Variants in FOCAD observed in about 807,000 individuals in gnomAD.
FOCAD encodes KIAA1797.
Under a neutral mutation model 225.6 loss-of-function variants are expected in FOCAD, and 198 were observed. The ratio of observed to expected loss-of-function variants is 0.88; its 90% confidence interval spans 0.78 to 0.99. The LOEUF (loss-of-function observed/expected upper bound fraction) is 0.99, where lower values mean the gene tolerates loss of function less well. Among genes scored for constraint, FOCAD ranks in the 50% least tolerant of loss-of-function variants. The probability of loss-of-function intolerance (pLI) is 0.00; values close to 1 mark genes in which losing one functional copy is unlikely to be tolerated. For synonymous variants in FOCAD, 897 were observed against 755.0 expected (o/e 1.19, Z -3.08); for missense variants, 2,713 against 2,123.6 (o/e 1.28, Z -5.46).
upstream of FOCAD, among the ~76,000 whole-genome samples, chr9:20,680,488 G>A (rs78293901): frequency 6.6e-6 from 1 of 152,188 alleles, no homozygotes; most frequent in Non-Finnish European, 1.5e-5. Flanking sequence ...AACCCAGGAG[G>A]TGGAGGTTGC....
At chr9:20,906,315 C>T (rs1479123558) in intron 21 of FOCAD, among the ~76,000 whole-genome samples, 1 of 151,762 alleles carries the variant, frequency 6.6e-6, no homozygotes, top group East Asian at 1.9e-4. Flanking sequence ...AATTTGTTTT[C>T]TCTCTCACTC....
chr9:20,882,562 C>T (rs1279067882), intron 20 of FOCAD, among the ~76,000 whole-genome samples: 2 of 152,134 alleles, frequency 1.3e-5, no homozygotes, highest in Non-Finnish European at 2.9e-5. Context: ...GGTAAAAGCC[C>T]AAGAGAGAAT....
intron 1 of FOCAD, among the ~76,000 whole-genome samples, chr9:20,709,848 T>G (rs1431521264): frequency 1.3e-5 from 2 of 152,184 alleles, no homozygotes; most frequent in East Asian, 3.8e-4. Context: ...AGGGCTGTCT[T>G]TTGTAATCTT....
chr9:20,897,105 T>G (rs1832154722), intron 21 of FOCAD: 1 of 151,890 alleles, frequency 6.6e-6, no homozygotes, highest in African/African-American at 2.4e-5. Flanking sequence ...CTAAGGATTG[T>G]TATGTCTTCT....
chr9:20,775,764 CA>C (rs1236664146), intron 8 of FOCAD, among the ~76,000 whole-genome samples: 17 of 152,102 alleles, frequency 1.1e-4, no homozygotes, highest in African/African-American at 3.9e-4. Context: ...GACTTGAGGA[CA>C]AAAAGTATGG....
At chr9:20,986,054 G>C (rs1841121940) in intron 39 of FOCAD, among the ~76,000 whole-genome samples, 1 of 151,866 alleles carries the variant, frequency 6.6e-6, no homozygotes, top group Non-Finnish European at 1.5e-5. Context: ...TATCATCACT[G>C]ACTAACTCCT....
intron 11 of FOCAD, among the ~76,000 whole-genome samples, chr9:20,796,911 A>G (rs10811404): frequency 0.19 from 28,709 of 149,938 alleles, 2,986 homozygotes; most frequent in Non-Finnish European, 0.24. Flanking sequence ...ACTGAATGGT[A>G]TTGCCTAGGT....
At chr9:20,920,166 A>G (rs1455893143) in intron 24 of FOCAD, among the ~76,000 whole-genome samples, 3 of 152,168 alleles carry the variant, frequency 2.0e-5, no homozygotes, top group African/African-American at 7.2e-5. Context: ...ATGAACAGAC[A>G]CTTCTCAGAA....
chr9:20,774,989 A>G (rs532227912), intron 8 of FOCAD, among the ~76,000 whole-genome samples: 1 of 152,226 alleles, frequency 6.6e-6, no homozygotes, highest in Non-Finnish European at 1.5e-5. Flanking sequence ...ATGTACTACA[A>G]TTTGAAATAA....
intron 2 of FOCAD, among the ~76,000 whole-genome samples, chr9:20,663,619 C>G (rs1821805635): frequency 6.6e-6 from 1 of 152,076 alleles, no homozygotes; most frequent in South Asian, 2.1e-4. Context: ...AAGACATGGG[C>G]CCTCTTTTCA....
At chr9:20,766,573 G>A (rs770635863) in intron 7 of FOCAD, among the ~76,000 whole-genome samples, 1 of 151,496 alleles carries the variant, frequency 6.6e-6, no homozygotes, top group African/African-American at 2.4e-5. Flanking sequence ...AATGAAATAA[G>A]CTTTTAAAAA....
At chr9:20,755,089 G>C (rs760351856) in intron 5 of FOCAD, among the ~76,000 whole-genome samples, 5 of 152,148 alleles carry the variant, frequency 3.3e-5, no homozygotes, top group Admixed American at 6.5e-5. Context: ...TGATCAACAG[G>C]AAGATTCAGT....
At chr9:20,737,497 A>T (rs1827244725) in intron 4 of FOCAD, among the ~76,000 whole-genome samples, 1 of 152,220 alleles carries the variant, frequency 6.6e-6, no homozygotes, top group Non-Finnish European at 1.5e-5. Context: ...CAGTCTTACG[A>T]GGTTACTAGG....
chr9:20,924,665 G>A (rs1834774766), intron 25 of FOCAD, among the ~76,000 whole-genome samples: 1 of 151,540 alleles, frequency 6.6e-6, no homozygotes, highest in South Asian at 2.1e-4. Flanking sequence ...GTTTTTTGGT[G>A]GTACACTAAA....
chr9:20,957,501 G>C (rs377589615), intron 35 of FOCAD: 6 of 12,176 alleles, frequency 4.9e-4, no homozygotes, highest in African/African-American at 1.6e-3. Context: ...TTTTGAGACA[G>C]TCTTGCTCTG....
In FOCAD at chr9:20,781,947, G is replaced by T. The variant is rs1239166638; in HGVS notation, c.1197+18G>T. The T allele has an allele frequency of 1.2e-6, 2 of 1,607,180 alleles. No individual in the cohort carries two copies. The highest frequency in any genetic ancestry group is 1.7e-6 in the Non-Finnish European group (2 of 1,174,156). ...ACCAAAAGGTAATGAATCTATCCTT[G>T]TTTCTCTTAAATAAAGTGTCGATGT... On this transcript the variant is annotated intron_variant, in intron 10 of 43. Coordinates refer to ENST00000338382, the MANE Select transcript of FOCAD (RefSeq NM_001375567.1).
chr9:20,967,801 A>C (rs1248236301), intron 35 of FOCAD, among the ~76,000 whole-genome samples: 5 of 152,036 alleles, frequency 3.3e-5, no homozygotes. Context: ...TGTTGAACAA[A>C]CTTTGCATTC....
At chr9:20,916,857 A>C in intron 23 of FOCAD, 36 bp from the exon 24 acceptor site, 1 of 1,575,080 alleles carries the variant, frequency 6.3e-7, no homozygotes, top group Non-Finnish European at 8.6e-7. Flanking sequence ...TCTTGTTCTA[A>C]CATAAACTCT....
chr9:20,779,398 A>G (rs1819126986), intron 9 of FOCAD, among the ~76,000 whole-genome samples: 2 of 152,148 alleles, frequency 1.3e-5, no homozygotes. Context: ...GAGAGCTCTA[A>G]ATTATGTTGT....
Sources: allele counts gnomAD v4.1 joint callset (sites outside exome capture counted in the v4.1 genomes callset), GRCh38; gene constraint gnomAD v4.1.1; transcripts MANE v1.5; gene names NCBI Gene and HGNC (gene_info 2026-07-23, HGNC 2026-07-21).